RNF187: variants seen among roughly 807,000 people sequenced by gnomAD.
RNF187 encodes E3 ubiquitin-protein ligase RNF187.
RNF187 carries 18 observed loss-of-function variants against 22.2 expected under a neutral mutation model. The observed-to-expected ratio is 0.81, with a 90% CI of 0.56 to 1.20. The LOEUF (loss-of-function observed/expected upper bound fraction) is 1.20. Among genes scored for constraint, RNF187 ranks in the 50% most tolerant of loss-of-function variants. RNF187 has a pLI of 0.00. For missense variants in RNF187, 329 were observed against 317.6 expected, an observed-to-expected ratio of 1.04 and a Z score of -0.27; for synonymous variants, 164 against 140.9, an observed-to-expected ratio of 1.16 and a Z score of -1.16.
Position 228,493,575 on chromosome 1 carries a change from G to A in RNF187, c.705+301G>A. ...CCCTGGGGTCCTGAAGGCAGAAGCA[G>A]CCAAGAAACCCAACCTCAGGGCTTT... On this transcript the variant is annotated intron_variant, in intron 3 of 3. Coordinates refer to ENST00000305943, the MANE Select transcript of RNF187 (RefSeq NM_001010858.3). The surrounding 1 kb of genome is among the most constrained non-coding windows in gnomAD (Gnocchi z 4.7). Among the ~76,000 whole-genome samples the A allele has an allele frequency of 6.6e-6, 1 of 152,236 alleles. No homozygotes were observed. The highest frequency in any genetic ancestry group is 1.5e-5 in the Non-Finnish European group (1 of 68,038).
chr1:228,495,107 T>G lies in RNF187; in HGVS notation c.*1222T>G. 2 of 882,634 alleles carry G rather than the reference T, an allele frequency of 2.3e-6. No individual in the cohort carries two copies. The highest frequency in any genetic ancestry group is 3.6e-5 in the African/African-American group (2 of 55,144). The allele number at this position is 882,634 out of a possible 1,614,324, so 54.7% of individuals were successfully genotyped here. A position where few individuals can be genotyped will look rare whatever the true frequency, so the allele number is the denominator to read the frequency against. On this transcript the variant is annotated 3_prime_UTR_variant, in exon 4 of 4. Transcript: ENST00000305943. ...CTTTGATTGGGACCATTGAGATGGG[T>G]GTGGGACCCTTTCCTTGGGGCCTGG...
rs558425555 is a variant in RNF187 at position 228,493,225 on chromosome 1, C to T, written c.656C>T (p.Ser219Leu). The change falls in exon 3 of 4, where the codon TCG (serine) becomes TTG (leucine). Residue 219 changes from serine (S) to leucine (L), a missense_variant. By Grantham distance (145) the Ser-to-Leu change is moderately radical. Coordinates refer to ENST00000305943, the MANE Select transcript of RNF187 (RefSeq NM_001010858.3). This position sits in a 1 kb window ranked among gnomAD's most constrained non-coding sequence, Gnocchi z 4.7. ...TTCAGGTCACTGCTGCAGGCGGTCT[C>T]GGAGCTGGAGAAGAAGCATCGCAAC... is the stretch of plus-strand genomic sequence containing the variant. The T allele has an allele frequency of 1.6e-5, 25 of 1,551,486 alleles. No individual in the cohort carries two copies. Among genetic ancestry groups the T allele is most frequent in the South Asian group, 1.1e-4 (9 of 84,052 alleles).
At position 228,487,407 on chromosome 1, in the gene RNF187, T is replaced by A. The variant is rs1558487169; in HGVS notation, c.-82T>A. 14 of 1,074,462 alleles carry A rather than the reference T, an allele frequency of 1.3e-5. No homozygotes were observed. The highest frequency in any genetic ancestry group is 1.6e-5 in the Non-Finnish European group (14 of 888,856). 66.6% of individuals were successfully genotyped at this position (1,074,462 alleles called of 1,614,324 possible). The stretch of plus-strand genomic sequence containing the variant: ...GTTGGCGTCTTCGTCCTGTTGCTGG[T>A]CTCCGTCCGGTCGCCGGCCGTCTAG... On this transcript the variant is annotated 5_prime_UTR_variant, in exon 1 of 4. Coordinates refer to ENST00000305943, the MANE Select transcript of RNF187 (RefSeq NM_001010858.3).
In RNF187 at chr1:228,494,851, C is replaced by G; in HGVS notation, c.*966C>G. The G allele has an allele frequency of 8.1e-6, 8 of 985,304 alleles. No homozygotes were observed. Among genetic ancestry groups the G allele is most frequent in the Non-Finnish European group, 9.6e-6 (8 of 829,982 alleles). 61.0% of individuals were successfully genotyped at this position (985,304 alleles called of 1,614,324 possible). The stretch of plus-strand genomic sequence containing the variant: ...GGATAGCCGGGCTTGTGAGCGGTGC[C>G]CATTTCCAGATGAAGCCTTTCAGCC... On this transcript the variant is annotated 3_prime_UTR_variant, in exon 4 of 4. Coordinates refer to ENST00000305943, the MANE Select transcript of RNF187 (RefSeq NM_001010858.3).
At position 228,487,454 on chromosome 1, in the gene RNF187, C is replaced by T. The variant is rs1359658926; in HGVS notation, c.-35C>T. On this transcript the variant is annotated 5_prime_UTR_variant, in exon 1 of 4. Coordinates refer to ENST00000305943, the MANE Select transcript of RNF187 (RefSeq NM_001010858.3). ...CTAGGTCTCCGGCCCTCCCCAGCCG[C>T]TCCTGCGCCCTTGCCGGCCCCGCCG... is the stretch of plus-strand genomic sequence containing the variant. The T allele has an allele frequency of 2.3e-5, 25 of 1,103,694 alleles. No homozygotes were observed. Among genetic ancestry groups the T allele is most frequent in the South Asian group, 4.3e-5 (1 of 23,206 alleles). 68.4% of individuals were successfully genotyped at this position (1,103,694 alleles called of 1,614,324 possible).
At chr1:228,488,402 C>G in intron 1 of RNF187, 1 of 155,876 alleles carries the variant, frequency 6.4e-6, no homozygotes, top group Non-Finnish European at 1.4e-5. Flanking sequence ...CCTGCACCCC[C>G]TGTCCCCTCT....
At position 228,487,870 on chromosome 1, in the gene RNF187, C is replaced by G. The variant is rs1279972498; in HGVS notation, c.382C>G (p.Arg128Gly). 10 of 1,222,266 alleles carry G rather than the reference C, an allele frequency of 8.2e-6. No homozygotes were observed. Among genetic ancestry groups the G allele is most frequent in the Non-Finnish European group, 1.0e-5 (10 of 977,358 alleles). The allele number at this position is 1,222,266 out of a possible 1,614,324, so 75.7% of individuals were successfully genotyped here. A position where few individuals can be genotyped will look rare whatever the true frequency, so the allele number is the denominator to read the frequency against. The change falls in exon 1 of 4, where the codon CGC becomes GGC. Residue 128 changes from arginine (R) to glycine (G), a missense_variant. Transcript: ENST00000305943. The stretch of plus-strand genomic sequence containing the variant: ...GGAACCGCGCTGGAGGAAGGCGCTG[C>G]GCGGCAAGGTGCGCGCCGCGGGGTC...
At chr1:228,491,403 A>AAAT in intron 2 of RNF187, among the ~76,000 whole-genome samples, 2,434 of 148,106 alleles carry the variant, frequency 0.016, 42 homozygotes, top group Non-Finnish European at 0.026. Flanking sequence ...AAAAAAAAAA[A>AAAT]AAAAAATAAA....
chr1:228,489,009 G>T lies in RNF187; in HGVS notation c.440G>T (p.Arg147Leu). The change falls in exon 2 of 4, where the codon CGG (arginine) becomes CTG (leucine). Residue 147 changes from arginine (R) to leucine (L), a missense_variant. Arg to Leu is a moderately radical substitution (Grantham distance 102). Transcript: ENST00000305943. ...ATGAGAAAGGACTTGAATGACGCCC[G>T]GGACCTGCATGGCCAGGCAGAGTCA... 6.4e-7 allele frequency: 1 copy of T among 1,550,566 alleles called. No homozygotes were observed. Among genetic ancestry groups the T allele is most frequent in the Non-Finnish European group, 8.7e-7 (1 of 1,146,932 alleles).
At chr1:228,489,451 C>G in intron 2 of RNF187, among the ~76,000 whole-genome samples, 7 of 152,138 alleles carry the variant, frequency 4.6e-5, no homozygotes, top group Non-Finnish European at 8.8e-5. Flanking sequence ...GCACGTGCTA[C>G]CACACCTGGT....
In RNF187 at chr1:228,487,710, G is replaced by T; in HGVS notation, c.222G>T (p.Ala74=). Residue 74 remains alanine, a synonymous_variant, in exon 1 of 4, where the codon GCG becomes GCT. Transcript: ENST00000305943. ...CCCCGCTCAGCCGCCGCCTTCTGGC[G>T]CTCGAGGAGGCGGCCGCGGCGCCCG... The T allele has an allele frequency of 9.5e-7, 1 of 1,048,258 alleles. No individual in the cohort carries two copies. Among genetic ancestry groups the T allele is most frequent in the Non-Finnish European group, 1.1e-6 (1 of 872,576 alleles). 64.9% of individuals were successfully genotyped at this position (1,048,258 alleles called of 1,614,324 possible). A position where few individuals can be genotyped will look rare whatever the true frequency, so the allele number is the denominator to read the frequency against.
chr1:228,488,989 A>C lies in RNF187; in HGVS notation c.420A>C (p.Arg140Ser), dbSNP rs1324386246. The C allele has an allele frequency of 6.4e-7, 1 of 1,551,010 alleles. No homozygotes were observed. Among genetic ancestry groups the C allele is most frequent in the South Asian group, 1.2e-5 (1 of 84,056 alleles). The change falls in exon 2 of 4, where the codon AGA (arginine) becomes AGC (serine). Residue 140 changes from arginine (R) to serine (S), a missense_variant. Arg to Ser is a moderately radical substitution (Grantham distance 110). Transcript: ENST00000305943. The stretch of plus-strand genomic sequence containing the variant: ...ACAAGGGGTCTGTGGAAATCATGAG[A>C]AAGGACTTGAATGACGCCCGGGACC...
intron 2 of RNF187, among the ~76,000 whole-genome samples, chr1:228,491,879 T>TG: frequency 1.2e-4 from 19 of 152,206 alleles, no homozygotes; most frequent in Non-Finnish European, 2.4e-4. Context: ...CTACATGATG[T>TG]GGGGATGCTT....
Position 228,494,288 on chromosome 1 carries a change from T to C in RNF187, c.*403T>C. On this transcript the variant is annotated 3_prime_UTR_variant, in exon 4 of 4. Coordinates refer to ENST00000305943, the MANE Select transcript of RNF187 (RefSeq NM_001010858.3). ...CTTGGCAGGTACCTGAGGTGCACCA[T>C]TGAGTGTCGGATTTGGGGTTAGCAT... The C allele has an allele frequency of 1.8e-6, 2 of 1,133,252 alleles. No homozygotes were observed. Among genetic ancestry groups the C allele is most frequent in the Non-Finnish European group, 1.1e-6 (1 of 916,924 alleles). The allele number at this position is 1,133,252 out of a possible 1,614,324, so 70.2% of individuals were successfully genotyped here.
intron 2 of RNF187, among the ~76,000 whole-genome samples, chr1:228,491,602 G>A: frequency 2.0e-5 from 3 of 151,914 alleles, no homozygotes; most frequent in Non-Finnish European, 4.4e-5. Flanking sequence ...CACCACGCCT[G>A]GCTAATCTTG....
chr1:228,488,246 CAT>C, intron 1 of RNF187: 1 of 153,314 alleles, frequency 6.5e-6, no homozygotes, highest in Non-Finnish European at 1.5e-5. Flanking sequence ...GTCTCGCCCT[CAT>C]AGACCCCCTC....
chr1:228,494,415 G>A lies in RNF187; in HGVS notation c.*530G>A. 8 of 996,984 alleles carry A rather than the reference G, an allele frequency of 8.0e-6. No individual in the cohort carries two copies. Among genetic ancestry groups the A allele is most frequent in the Admixed American group, 1.1e-4 (2 of 18,252 alleles). 61.8% of individuals were successfully genotyped at this position (996,984 alleles called of 1,614,324 possible). A position where few individuals can be genotyped will look rare whatever the true frequency, so the allele number is the denominator to read the frequency against. Reference sequence around the variant, plus strand: ...GCACCTTGATGCCTCCTGAGGAGGCGGCCCCCCTCTTGAGGTGGGCGTGGG... The same window carrying A: ...GCACCTTGATGCCTCCTGAGGAGGCAGCCCCCCTCTTGAGGTGGGCGTGGG... On this transcript the variant is annotated 3_prime_UTR_variant, in exon 4 of 4. Transcript: ENST00000305943.
Position 228,487,529 on chromosome 1 carries a change from T to C in RNF187, c.41T>C (p.Leu14Pro). The C allele has an allele frequency of 8.3e-7, 1 of 1,197,902 alleles. No homozygotes were observed. Among genetic ancestry groups the C allele is most frequent in the Non-Finnish European group, 1.0e-6 (1 of 964,324 alleles). The allele number at this position is 1,197,902 out of a possible 1,614,324, so 74.2% of individuals were successfully genotyped here. ...GGCCCCGCCGAGGCCGCCTGCGCCCTGTGCCAGCGCGCGCCCCGGGAACCG... is the reference window on the plus strand; with the variant it reads ...GGCCCCGCCGAGGCCGCCTGCGCCCCGTGCCAGCGCGCGCCCCGGGAACCG... Residue 14 changes from leucine to proline, a missense_variant, in exon 1 of 4, where the codon CTG becomes CCG. Leu to Pro is a moderately conservative substitution (Grantham distance 98, BLOSUM62 -3). Transcript: ENST00000305943.
chr1:228,487,903 C>G, intron 1 of RNF187, 25 bp downstream of exon 1: 1 of 1,191,808 alleles, frequency 8.4e-7, no homozygotes. Context: ...GTCCCGTGCC[C>G]CACCCCGGAC....
Sources: gnomAD v4.1 joint callset for allele counts (sites outside exome capture counted in the v4.1 genomes callset) on GRCh38, gnomAD v4.1.1 for gene constraint, Gnocchi (gnomAD v3.1) non-coding constraint, MANE v1.5 for transcripts, NCBI Gene and HGNC (gene_info 2026-07-23, HGNC 2026-07-21) for gene names.